Variants in ARHGAP42 observed in about 807,000 individuals in gnomAD.
The protein encoded by ARHGAP42 is Rho GTPase activating protein 42, also known as rho GTPase-activating protein 42.
A neutral mutation model predicts 125.0 loss-of-function variants in ARHGAP42; 63 were observed. That is an observed-to-expected ratio of 0.50 (90% CI 0.41 to 0.62). The LOEUF (loss-of-function observed/expected upper bound fraction) is 0.62, where lower values mean the gene tolerates loss of function less well. Ranked by LOEUF, ARHGAP42 falls within the 20% of genes least tolerant of loss-of-function variation. The pLI, the probability that ARHGAP42 is intolerant of heterozygous loss-of-function variation, is 0.00. For missense variants in ARHGAP42, 766 were observed against 1,024.2 expected (o/e 0.75, Z 3.44); for synonymous variants, 339 against 351.0 (o/e 0.97, Z 0.38).
At chr11:100,748,444 C>A (rs1221647450) in intron 1 of ARHGAP42, among the ~76,000 whole-genome samples, 1 of 152,186 alleles carries the variant, frequency 6.6e-6, no homozygotes, top group Non-Finnish European at 1.5e-5. Flanking sequence ...AGATTTAGAT[C>A]CCCTGTTAGG....
chr11:100,888,219 A>G (rs998469895), intron 4 of ARHGAP42, among the ~76,000 whole-genome samples: 6 of 145,612 alleles, frequency 4.1e-5, no homozygotes, highest in Non-Finnish European at 9.0e-5. Context: ...ACTATTATGA[A>G]AAACAGCCTT....
chr11:100,826,291 C>T (rs901691124), intron 3 of ARHGAP42, among the ~76,000 whole-genome samples: 5 of 152,158 alleles, frequency 3.3e-5, no homozygotes, highest in African/African-American at 1.2e-4. Context: ...TATATGTTAT[C>T]CATTTTGTGG....
chr11:100,856,640 G>A (rs1170643285), intron 3 of ARHGAP42, among the ~76,000 whole-genome samples: 1 of 152,062 alleles, frequency 6.6e-6, no homozygotes, highest in Non-Finnish European at 1.5e-5. Flanking sequence ...GAAAAATGTA[G>A]GGTTATCTAC....
intron 3 of ARHGAP42, among the ~76,000 whole-genome samples, chr11:100,799,546 A>G (rs1863802585): frequency 6.6e-6 from 1 of 152,206 alleles, no homozygotes; most frequent in African/African-American, 2.4e-5. Flanking sequence ...TGTGTTCAAC[A>G]AGAGCCTCTG....
Position 100,989,488 on chromosome 11 carries a change from TA to T in ARHGAP42, c.*688del. On this transcript the variant is annotated 3_prime_UTR_variant, in exon 24 of 24. Coordinates refer to ENST00000298815, the MANE Select transcript of ARHGAP42 (RefSeq NM_152432.4). Reference sequence around the variant, plus strand: ...GCAAACTTTTTCTGTAAAGGCCTGATAGCAAATATTTTTGTGGTGGGTTGAA... The same window carrying T: ...GCAAACTTTTTCTGTAAAGGCCTGATGCAAATATTTTTGTGGTGGGTTGAA... The T allele has an allele frequency of 5.2e-6, 1 of 192,850 alleles. No individual in the cohort carries two copies. The highest frequency in any genetic ancestry group is 1.1e-5 in the Non-Finnish European group (1 of 94,932). 11.9% of individuals were successfully genotyped at this position (192,850 alleles called of 1,614,324 possible).
At chr11:100,838,009 C>G (rs1050477424) in intron 3 of ARHGAP42, among the ~76,000 whole-genome samples, 4 of 109,718 alleles carry the variant, frequency 3.6e-5, no homozygotes, top group African/African-American at 1.2e-4. Flanking sequence ...TCTTAGCTGC[C>G]TAAAAATAAT....
intron 4 of ARHGAP42, among the ~76,000 whole-genome samples, chr11:100,889,423 C>G (rs980445822): frequency 2.0e-5 from 3 of 152,192 alleles, no homozygotes; most frequent in African/African-American, 7.2e-5. Context: ...AGTGAGGAGG[C>G]AGCATCAAGG....
Position 100,976,342 on chromosome 11 carries a change from C to T in ARHGAP42, c.2141C>T (p.Ser714Phe), listed in dbSNP as rs529466797. Residue 714 changes from serine (S) to phenylalanine (F), a missense_variant, in exon 20 of 24, where the codon TCC becomes TTC. Ser to Phe is a radical substitution (Grantham distance 155). Around this residue, in one of 3 missense-constraint regions of ARHGAP42, gnomAD observed 308 missense variants for 369.7 expected, o/e 0.83. Transcript: ENST00000298815. ...TCAGTCACTAGCCCAGGAGACGTTT[C>T]CCCACCCATAGACCTAGTCAAGAAA... ...VASVTSPGDVSPPIDLVKKEP... is the reference protein window; with the variant it reads ...VASVTSPGDVFPPIDLVKKEP... 3.2e-6 allele frequency: 5 copies of T among 1,551,416 alleles called. No individual in the cohort carries two copies. The highest frequency in any genetic ancestry group is 1.7e-6 in the Non-Finnish European group (2 of 1,146,694).
At chr11:100,724,252 T>G (rs974266886) in intron 1 of ARHGAP42, among the ~76,000 whole-genome samples, 1 of 152,148 alleles carries the variant, frequency 6.6e-6, no homozygotes, top group African/African-American at 2.4e-5. Flanking sequence ...TATTTCTATG[T>G]TCGTGGGAGA....
At chr11:100,688,508 T>C (rs1476420852) in intron 1 of ARHGAP42, among the ~76,000 whole-genome samples, 2 of 152,172 alleles carry the variant, frequency 1.3e-5, no homozygotes, top group Non-Finnish European at 2.9e-5. Flanking sequence ...ATATAAAGAC[T>C]GTTATAGTCT....
chr11:100,765,396 G>A (rs1043404305), intron 1 of ARHGAP42, among the ~76,000 whole-genome samples: 2 of 151,918 alleles, frequency 1.3e-5, no homozygotes, highest in African/African-American at 2.4e-5. Flanking sequence ...TGGAGCTGGC[G>A]CCCTGGGTTG....
chr11:100,847,179 C>G (rs191006143), intron 3 of ARHGAP42, among the ~76,000 whole-genome samples: 1 of 152,294 alleles, frequency 6.6e-6, no homozygotes, highest in East Asian at 1.9e-4. Flanking sequence ...GCAAAGGCCT[C>G]GATCCCCTGA....
intron 7 of ARHGAP42, 34 bp downstream of exon 7, chr11:100,933,294 A>G (rs1005653083): frequency 6.4e-6 from 9 of 1,400,400 alleles, no homozygotes; most frequent in Non-Finnish European, 8.7e-6. Context: ...GTCTCTCAGC[A>G]AATCTGCAAA....
chr11:100,812,832 A>T (rs1293349347), intron 3 of ARHGAP42, among the ~76,000 whole-genome samples: 1 of 151,816 alleles, frequency 6.6e-6, no homozygotes, highest in Non-Finnish European at 1.5e-5. Context: ...AATATGTAGG[A>T]CTCTTTAGGC....
chr11:100,870,516 C>G (rs1468276651), intron 4 of ARHGAP42, among the ~76,000 whole-genome samples: 1 of 152,190 alleles, frequency 6.6e-6, no homozygotes, highest in Non-Finnish European at 1.5e-5. Flanking sequence ...ATACGCATTA[C>G]TATTTTTACT....
At chr11:100,951,265 GT>G (rs1257543787) in intron 12 of ARHGAP42, among the ~76,000 whole-genome samples, 1 of 151,822 alleles carries the variant, frequency 6.6e-6, no homozygotes, top group African/African-American at 2.4e-5. Flanking sequence ...ACTATTTCCA[GT>G]TTTTATTCTC....
chr11:100,689,313 G>C (rs963015620), intron 1 of ARHGAP42, among the ~76,000 whole-genome samples: 1 of 152,074 alleles, frequency 6.6e-6, no homozygotes, highest in Admixed American at 6.5e-5. Context: ...AAAGTCTCGC[G>C]GGACTAACCT....
chr11:100,848,200 C>G (rs1865116442), intron 3 of ARHGAP42, among the ~76,000 whole-genome samples: 1 of 152,112 alleles, frequency 6.6e-6, no homozygotes. Context: ...TTGTAACATA[C>G]ATTCCAATTT....
intron 3 of ARHGAP42, among the ~76,000 whole-genome samples, chr11:100,816,202 T>G (rs1299359629): frequency 6.6e-6 from 1 of 152,204 alleles, no homozygotes; most frequent in Non-Finnish European, 1.5e-5. Context: ...GTAATTCTAT[T>G]TTTAATTTTT....
Sources: allele counts gnomAD v4.1 joint callset (sites outside exome capture counted in the v4.1 genomes callset), GRCh38; gene constraint gnomAD v4.1.1; regional missense constraint gnomAD v4.1.1; transcripts MANE v1.5; gene names NCBI Gene and HGNC (gene_info 2026-07-23, HGNC 2026-07-21).